Variants in ADK observed in about 807,000 individuals in gnomAD.
ADK encodes adenosine kinase.
In ADK, 24 loss-of-function variants were observed where a neutral mutation model predicts 44.7. The observed-to-expected ratio is 0.54, with a 90% CI of 0.39 to 0.76. The LOEUF is 0.76. Among genes scored for constraint, ADK ranks in the 30% least tolerant of loss-of-function variants. The probability of loss-of-function intolerance (pLI) is 0.00; values close to 1 mark genes in which losing one functional copy is unlikely to be tolerated. For missense variants in ADK, 321 were observed against 425.1 expected (o/e 0.76, Z 2.15); for synonymous variants, 128 against 142.6 (o/e 0.90, Z 0.73).
At chr10:74,677,865 C>T (rs1855450048) in intron 10 of ADK, among the ~76,000 whole-genome samples, 1 of 149,446 alleles carries the variant, frequency 6.7e-6, no homozygotes, top group Non-Finnish European at 1.5e-5. Flanking sequence ...TGGTGGCTCA[C>T]ACCTGTAATC....
At chr10:74,478,887 C>G (rs755634951) in intron 6 of ADK, among the ~76,000 whole-genome samples, 1 of 152,166 alleles carries the variant, frequency 6.6e-6, no homozygotes, top group Non-Finnish European at 1.5e-5. Context: ...TTTGAATTCC[C>G]GTGCCTTTAC....
intron 6 of ADK, among the ~76,000 whole-genome samples, chr10:74,465,853 A>G (rs560765011): frequency 7.2e-5 from 11 of 152,248 alleles, no homozygotes; most frequent in Non-Finnish European, 1.3e-4. Context: ...TCCATAGTGT[A>G]TAAGTGATAG....
intron 6 of ADK, among the ~76,000 whole-genome samples, chr10:74,517,997 A>G (rs1848661130): frequency 6.6e-6 from 1 of 152,210 alleles, no homozygotes. Context: ...GATAGGAACT[A>G]TGCTTTGTTG....
chr10:74,479,819 A>G (rs763840335), intron 6 of ADK, among the ~76,000 whole-genome samples: 11 of 152,102 alleles, frequency 7.2e-5, no homozygotes, highest in Non-Finnish European at 1.2e-4. Context: ...CAGTGATTTT[A>G]TTCTGCATTT....
At chr10:74,450,125 C>T (rs1030743526) in intron 6 of ADK, among the ~76,000 whole-genome samples, 4 of 151,862 alleles carry the variant, frequency 2.6e-5, no homozygotes, top group East Asian at 1.9e-4. Flanking sequence ...GGCAACATAG[C>T]GAAAAACTCT....
chr10:74,587,981 A>G (rs1851587331), intron 7 of ADK, among the ~76,000 whole-genome samples: 1 of 152,096 alleles, frequency 6.6e-6, no homozygotes, highest in Non-Finnish European at 1.5e-5. Context: ...AAAATTTTTT[A>G]ACCATACATA....
chr10:74,277,755 T>C (rs1846759014), intron 3 of ADK, among the ~76,000 whole-genome samples: 1 of 152,182 alleles, frequency 6.6e-6, no homozygotes, highest in African/African-American at 2.4e-5. Context: ...TGTTTAGAAA[T>C]ACGGGTTTTT....
chr10:74,407,101 A>C (rs371739606), intron 6 of ADK, among the ~76,000 whole-genome samples: 1 of 151,168 alleles, frequency 6.6e-6, no homozygotes, highest in East Asian at 1.9e-4. Context: ...GAACTGCAGG[A>C]GTGCACCACC....
chr10:74,527,609 C>T lies in ADK; in HGVS notation c.726+2183C>T, dbSNP rs573215704. 105 of 778,194 alleles carry T rather than the reference C, an allele frequency of 1.3e-4. No homozygotes were observed. The East Asian group carries it at 2.4e-3, about 18-fold the overall frequency. The allele number at this position is 778,194 out of a possible 1,614,324, so 48.2% of individuals were successfully genotyped here. On this transcript the variant is annotated intron_variant, in intron 7 of 10. Transcript: ENST00000539909. The stretch of plus-strand genomic sequence containing the variant: ...ATAGCTGCCTCTGCCTTTGCCGGTG[C>T]AGTGAGAGCAGCTTCAGGAATCTTA...
At chr10:74,518,056 T>C (rs1196812032) in intron 6 of ADK, among the ~76,000 whole-genome samples, 1 of 152,236 alleles carries the variant, frequency 6.6e-6, no homozygotes, top group Non-Finnish European at 1.5e-5. Flanking sequence ...TTATACTTTC[T>C]TGGAGTAGTC....
At chr10:74,331,162 C>T (rs1841204311) in intron 4 of ADK, among the ~76,000 whole-genome samples, 1 of 152,112 alleles carries the variant, frequency 6.6e-6, no homozygotes, top group Non-Finnish European at 1.5e-5. Context: ...TGGTATAAAA[C>T]TAGATAATAA....
intron 3 of ADK, among the ~76,000 whole-genome samples, chr10:74,229,348 T>C (rs1301943441): frequency 6.6e-6 from 1 of 151,208 alleles, no homozygotes; most frequent in Non-Finnish European, 1.5e-5. Flanking sequence ...ATGGAATGTG[T>C]AGGGATATGT....
At chr10:74,560,798 A>G (rs1850434654) in intron 7 of ADK, among the ~76,000 whole-genome samples, 1 of 152,208 alleles carries the variant, frequency 6.6e-6, no homozygotes, top group South Asian at 2.1e-4. Flanking sequence ...CTGTTCTACA[A>G]ATTACAAAAT....
intron 6 of ADK, 98 bp downstream of exon 6, chr10:74,398,677 C>A (rs1379744435): frequency 3.1e-6 from 2 of 651,424 alleles, no homozygotes; most frequent in Non-Finnish European, 5.1e-6. Context: ...TTTTATTTAC[C>A]CTGCAAATTA....
chr10:74,511,488 T>C (rs1476776615), intron 6 of ADK, among the ~76,000 whole-genome samples: 2 of 152,224 alleles, frequency 1.3e-5, no homozygotes, highest in Admixed American at 6.5e-5. Flanking sequence ...ATCAGTGTTT[T>C]GTAATCTTCC....
intron 6 of ADK, among the ~76,000 whole-genome samples, chr10:74,524,444 G>A (rs964750131): frequency 6.6e-6 from 1 of 152,162 alleles, no homozygotes; most frequent in African/African-American, 2.4e-5. Flanking sequence ...CCAGGCTGGA[G>A]TGCAGTGGTG....
intron 3 of ADK, among the ~76,000 whole-genome samples, chr10:74,295,115 C>G (rs1839766542): frequency 6.6e-6 from 1 of 152,020 alleles, no homozygotes; most frequent in South Asian, 2.1e-4. Context: ...CCTCAGCCTC[C>G]CAAAGTTCTG....
intron 2 of ADK, among the ~76,000 whole-genome samples, chr10:74,201,676 G>GTATGTATGTATCTATC (rs1375192485): frequency 8.5e-6 from 1 of 117,468 alleles, no homozygotes; most frequent in African/African-American, 3.2e-5. Flanking sequence ...ATGTATGTAT[G>GTATGTATGTATCTATC]TATCTATCTA....
intron 6 of ADK, among the ~76,000 whole-genome samples, chr10:74,490,790 A>T (rs889606502): frequency 6.6e-6 from 1 of 152,104 alleles, no homozygotes; most frequent in Non-Finnish European, 1.5e-5. Flanking sequence ...ATTGAACAAG[A>T]TGTTTGCAGA....
Sources: allele counts gnomAD v4.1 joint callset (sites outside exome capture counted in the v4.1 genomes callset), GRCh38; gene constraint gnomAD v4.1.1; transcripts MANE v1.5; gene names NCBI Gene and HGNC (gene_info 2026-07-23, HGNC 2026-07-21).